ITGAX: variants seen among roughly 807,000 people sequenced by gnomAD.
ITGAX encodes the protein integrin subunit alpha X, also known as integrin alpha-X.
Under a neutral mutation model 140.2 loss-of-function variants are expected in ITGAX, and 99 were observed. The observed-to-expected ratio is 0.71, with a 90% CI of 0.60 to 0.83. ITGAX has a LOEUF of 0.83. ITGAX is among the 40% of genes least tolerant of loss of function. The pLI is 0.00. For synonymous variants in ITGAX, 631 were observed against 600.4 expected (o/e 1.05, Z -0.75); for missense variants, 1,444 against 1,482.0 (o/e 0.97, Z 0.42).
At chr16:31,372,196 C>G (rs573441582) in intron 17 of ITGAX, among the ~76,000 whole-genome samples, 182 bp from the exon 18 acceptor site, 2 of 150,918 alleles carry the variant, frequency 1.3e-5, no homozygotes, top group East Asian at 2.0e-4. Context: ...CAAAGACAAA[C>G]AAGGGGAGAG....
At position 31,382,464 on chromosome 16, in the gene ITGAX, A is replaced by T; in HGVS notation, c.*557A>T. On this transcript the variant is annotated 3_prime_UTR_variant, in exon 30 of 30. Coordinates refer to ENST00000268296, the MANE Select transcript of ITGAX (RefSeq NM_000887.5). ...TGCTGCTCATCCCCACCTGTCTTCAACAGCTCCCCATTACCCTCAGGACAA... is the reference window on the plus strand; with the variant it reads ...TGCTGCTCATCCCCACCTGTCTTCATCAGCTCCCCATTACCCTCAGGACAA... 1 of 1,532,436 alleles carries T rather than the reference A, an allele frequency of 6.5e-7. No individual in the cohort carries two copies. Among genetic ancestry groups the T allele is most frequent in the Non-Finnish European group, 8.7e-7 (1 of 1,143,548 alleles). The allele number at this position is 1,532,436 out of a possible 1,614,324, so 94.9% of individuals were successfully genotyped here. A position where few individuals can be genotyped will look rare whatever the true frequency, so the allele number is the denominator to read the frequency against.
intron 2 of ITGAX, 127 bp from the exon 3 acceptor site, chr16:31,356,498 T>G: frequency 1.6e-6 from 1 of 635,640 alleles, no homozygotes; most frequent in Non-Finnish European, 2.9e-6. Context: ...ACATGGACTT[T>G]AAATTATTAA....
intron 11 of ITGAX, 114 bp from the exon 12 acceptor site, chr16:31,362,497 G>T: frequency 7.2e-7 from 1 of 1,393,200 alleles, no homozygotes; most frequent in South Asian, 1.4e-5. Flanking sequence ...GCATTGCCCA[G>T]GGTGGGGTCC....
At position 31,369,245 on chromosome 16, in the gene ITGAX, C is replaced by T. The variant is rs867195187; in HGVS notation, c.1711-1839C>T. Among the ~76,000 whole-genome samples, 33 of 150,290 alleles carry T rather than the reference C, an allele frequency of 2.2e-4. No individual in the cohort carries two copies. The South Asian group carries it at 2.9e-3, about 13-fold the overall frequency. The stretch of plus-strand genomic sequence containing the variant: ...GCTGGCCGGGCGGGGGGCTGACCCC[C>T]CCACCTCCCTCCTGGACGAGGCAGC... On this transcript the variant is annotated intron_variant, in intron 14 of 29. Transcript: ENST00000268296.
At chr16:31,360,708 G>A (rs2142488250) in intron 8 of ITGAX, 1 of 531,292 alleles carries the variant, frequency 1.9e-6, no homozygotes, top group Non-Finnish European at 3.3e-6. Context: ...TTGAGATGGG[G>A]TCTTGCTATG....
intron 20 of ITGAX, among the ~76,000 whole-genome samples, chr16:31,374,448 C>T (rs1323169685): frequency 6.6e-6 from 1 of 151,834 alleles, no homozygotes; most frequent in Non-Finnish European, 1.5e-5. Context: ...TTCTTTATTT[C>T]TTTATTTTTG....
At position 31,371,160 on chromosome 16, in the gene ITGAX, A is replaced by G. The variant is rs372238101; in HGVS notation, c.1787A>G (p.Gln596Arg). The change falls in exon 15 of 30, where the codon CAG becomes CGG. Residue 596 changes from glutamine to arginine, a missense_variant. Physicochemically the swap from Gln to Arg is conservative, Grantham distance 43 (BLOSUM62 1). Coordinates refer to ENST00000268296, the MANE Select transcript of ITGAX (RefSeq NM_000887.5). ...QALSGGQDLT[Q>R]DGLVDLAVGA... The stretch of plus-strand genomic sequence containing the variant: ...CTGAGCGGGGGTCAAGACCTCACCC[A>G]GGATGGACTGGTGGACCTGGCTGTG... The G allele has an allele frequency of 2.0e-5, 33 of 1,613,548 alleles. No homozygotes were observed. The highest frequency in any genetic ancestry group is 1.7e-5 in the Non-Finnish European group (20 of 1,179,832).
chr16:31,361,424 C>T (rs750883451), intron 9 of ITGAX: 54 of 692,526 alleles, frequency 7.8e-5, no homozygotes, highest in Non-Finnish European at 1.2e-4. Flanking sequence ...GCCCTGCTCC[C>T]CACAGAGAGT....
At chr16:31,372,264 G>A in intron 17 of ITGAX, 114 bp from the exon 18 acceptor site, 1 of 1,253,988 alleles carries the variant, frequency 8.0e-7, no homozygotes, top group Non-Finnish European at 1.1e-6. Context: ...AGGCTCTGGA[G>A]GAAGCTGAAG....
intron 11 of ITGAX, among the ~76,000 whole-genome samples, 168 bp downstream of exon 11, chr16:31,362,372 A>G (rs895230426): frequency 0.015 from 27 of 1,820 alleles, no homozygotes; most frequent in African/African-American, 0.023. Context: ...GGTTCTGGGG[A>G]GGGGGGATGG....
chr16:31,365,991 G>T (rs1432246691), intron 14 of ITGAX, among the ~76,000 whole-genome samples: 1 of 152,198 alleles, frequency 6.6e-6, no homozygotes, highest in Non-Finnish European at 1.5e-5. Flanking sequence ...GAGGGTGAAA[G>T]ACTGTTGAGA....
chr16:31,363,463 T>A, intron 14 of ITGAX, 89 bp downstream of exon 14: 1 of 1,454,874 alleles, frequency 6.9e-7, no homozygotes, highest in South Asian at 1.1e-5. Context: ...CTTTTTACCT[T>A]TTCCTACCTC....
chr16:31,382,716 G>T lies in ITGAX; in HGVS notation c.*809G>T. 1 of 551,896 alleles carries T rather than the reference G, an allele frequency of 1.8e-6. No individual in the cohort carries two copies. Among genetic ancestry groups the T allele is most frequent in the Admixed American group, 3.2e-5 (1 of 31,518 alleles). 34.2% of individuals were successfully genotyped at this position (551,896 alleles called of 1,614,324 possible). A position where few individuals can be genotyped will look rare whatever the true frequency, so the allele number is the denominator to read the frequency against. On this transcript the variant is annotated 3_prime_UTR_variant, in exon 30 of 30. Transcript: ENST00000268296. ...CTGGGTTCTGCACAGCTGGCCTCCC[G>T]CGTTGGGCAACATTGCTGGCTGGAA...
rs772264653 is a variant in ITGAX at position 31,372,678 on chromosome 16, C to T, written c.2366+8C>T. The T allele has an allele frequency of 1.1e-5, 17 of 1,613,106 alleles. No individual in the cohort carries two copies. Among genetic ancestry groups the T allele is most frequent in the Admixed American group, 5.0e-5 (3 of 59,998 alleles). ...CTCCTTCAGCTTCCCAGGGTGAGCG[C>T]CCCCACCTTAGACCTGCCCTACTGC... is the stretch of plus-strand genomic sequence containing the variant. On this transcript the variant is annotated splice_region_variant and intron_variant, in intron 19 of 29. Coordinates refer to ENST00000268296, the MANE Select transcript of ITGAX (RefSeq NM_000887.5).
intron 29 of ITGAX, among the ~76,000 whole-genome samples, chr16:31,381,237 G>A (rs535946242): frequency 2.0e-5 from 3 of 152,028 alleles, no homozygotes; most frequent in East Asian, 1.9e-4. Flanking sequence ...ATCATTCTAC[G>A]TGTTTCCCTT....
At chr16:31,368,400 A>C (rs928502236) in intron 14 of ITGAX, among the ~76,000 whole-genome samples, 25 of 150,046 alleles carry the variant, frequency 1.7e-4, no homozygotes, top group Non-Finnish European at 3.0e-4. Context: ...CAGGAGGCTG[A>C]GGCAGGAGAA....
rs1296103217 is a variant in ITGAX at position 31,382,681 on chromosome 16, T to G, written c.*774T>G. The G allele has an allele frequency of 8.2e-6, 5 of 611,528 alleles. No individual in the cohort carries two copies. Among genetic ancestry groups the G allele is most frequent in the African/African-American group, 1.8e-5 (1 of 54,406 alleles). The allele number at this position is 611,528 out of a possible 1,614,324, so 37.9% of individuals were successfully genotyped here. A position where few individuals can be genotyped will look rare whatever the true frequency, so the allele number is the denominator to read the frequency against. ...TTCCCAGGCTGAATTGGGAGTGAGA[T>G]GCCTGCATGCTGGGTTCTGCACAGC... On this transcript the variant is annotated 3_prime_UTR_variant, in exon 30 of 30. Transcript: ENST00000268296.
intron 2 of ITGAX, 185 bp downstream of exon 2, chr16:31,356,183 AG>A (rs2080758112): frequency 1.8e-6 from 1 of 554,096 alleles, no homozygotes; most frequent in Admixed American, 3.4e-5. Flanking sequence ...CAGAGCAGTA[AG>A]TGCAGTGCCA....
Position 31,371,620 on chromosome 16 carries a change from C to G in ITGAX, c.2006-10C>G. 1 of 1,613,906 alleles carries G rather than the reference C, an allele frequency of 6.2e-7. No homozygotes were observed. Among genetic ancestry groups the G allele is most frequent in the Non-Finnish European group, 8.5e-7 (1 of 1,179,862 alleles). On this transcript the variant is annotated splice_polypyrimidine_tract_variant and intron_variant, in intron 16 of 29. Coordinates refer to ENST00000268296, the MANE Select transcript of ITGAX (RefSeq NM_000887.5). Reference sequence around the variant, plus strand: ...TCCTGTCTCAACGCCGTCCCTGCGACCGCCTACAGGTGACCTCCAAAGCTC... The same window carrying G: ...TCCTGTCTCAACGCCGTCCCTGCGAGCGCCTACAGGTGACCTCCAAAGCTC...
Sources: allele counts gnomAD v4.1 joint callset (sites outside exome capture counted in the v4.1 genomes callset), GRCh38; gene constraint gnomAD v4.1.1; transcripts MANE v1.5; gene names NCBI Gene and HGNC (gene_info 2026-07-23, HGNC 2026-07-21).